ARSG: variants seen among roughly 807,000 people sequenced by gnomAD.
ARSG encodes the protein arylsulfatase G.
In ARSG, 37 loss-of-function variants were observed where a neutral mutation model predicts 50.5. The observed-to-expected ratio is 0.73, with a 90% CI of 0.56 to 0.96. The LOEUF is 0.96. ARSG is among the 50% of genes least tolerant of loss of function. The probability of loss-of-function intolerance (pLI) is 0.00; values close to 1 mark genes in which losing one functional copy is unlikely to be tolerated. For synonymous variants in ARSG, 225 were observed against 254.6 expected, an observed-to-expected ratio of 0.88 and a Z score of 1.11; for missense variants, 629 against 675.3, an observed-to-expected ratio of 0.93 and a Z score of 0.76.
Position 68,271,512 on chromosome 17 carries a change from C to T in ARSG, c.-552+12086C>T. 1 of 1,614,114 alleles carries T rather than the reference C, an allele frequency of 6.2e-7. No homozygotes were observed. The highest frequency in any genetic ancestry group is 1.1e-5 in the South Asian group (1 of 91,062). On this transcript the variant is annotated intron_variant, in intron 1 of 11. Coordinates refer to the ARSG transcript ENST00000448504. This position sits in a 1 kb window ranked among gnomAD's most constrained non-coding sequence, Gnocchi z 5.3. The stretch of plus-strand genomic sequence containing the variant: ...TATACTGCGCTTCTTTCCGATTTTC[C>T]TGGATGACTATTTTCGGTGACGCTG...
intron 1 of ARSG, chr17:68,269,084 T>C (rs868979867): frequency 1.3e-6 from 2 of 1,553,698 alleles, no homozygotes; most frequent in Middle Eastern, 1.7e-4. Context: ...GCTGTTGTTG[T>C]AAGAAAGTGT....
At chr17:68,328,186 A>G (rs920760415) in intron 2 of ARSG, among the ~76,000 whole-genome samples, 1 of 151,966 alleles carries the variant, frequency 6.6e-6, no homozygotes, top group Non-Finnish European at 1.5e-5. Context: ...CCGCTCACTT[A>G]TTGCCCCTCC....
At chr17:68,433,738 GAAAGATTCAC>G in the ARSG span, among the ~76,000 whole-genome samples, 1 of 133,046 alleles carries the variant, frequency 7.5e-6, no homozygotes. Flanking sequence ...ATTAATGTCA[GAAAGATTCAC>G]AAAGGGTCAT....
downstream of ARSG, chr17:68,424,563 T>C (rs1221690452): frequency 1.9e-6 from 1 of 523,982 alleles, no homozygotes; most frequent in Non-Finnish European, 3.9e-6. Context: ...TAGGAGCTGA[T>C]GCTCCAAGTC....
chr17:68,280,244 C>T (rs1381792411), intron 1 of ARSG, among the ~76,000 whole-genome samples: 1 of 150,328 alleles, frequency 6.7e-6, no homozygotes, highest in Non-Finnish European at 1.5e-5. Context: ...GAGTGGATTC[C>T]TATCAAAATA....
chr17:68,451,090 C>A, the ARSG span, among the ~76,000 whole-genome samples: 1 of 152,350 alleles, frequency 6.6e-6, no homozygotes, highest in Middle Eastern at 3.4e-3. Context: ...TTTTTACCCT[C>A]TCCCAGGGAG....
chr17:68,420,167 T>C, intron 11 of ARSG, 22 bp from the exon 12 acceptor site: 4 of 1,611,858 alleles, frequency 2.5e-6, no homozygotes, highest in Non-Finnish European at 2.5e-6. Flanking sequence ...TAGCGAGGCA[T>C]TTGTTGTCAT....
At chr17:68,426,438 G>A (rs2083201389), downstream of ARSG, among the ~76,000 whole-genome samples, 1 of 152,136 alleles carries the variant, frequency 6.6e-6, no homozygotes, top group Admixed American at 6.5e-5. Flanking sequence ...TCAGTATGTT[G>A]CCCAGGCTGG....
the ARSG span, chr17:68,434,691 G>C: frequency 6.5e-7 from 1 of 1,548,496 alleles, no homozygotes; most frequent in Non-Finnish European, 8.8e-7. Context: ...TGTCCCTTTA[G>C]AGAGGAGTTT....
chr17:68,269,589 G>A (rs1451737821), intron 1 of ARSG, among the ~76,000 whole-genome samples: 1 of 146,246 alleles, frequency 6.8e-6, no homozygotes, highest in East Asian at 2.0e-4. Context: ...CTAAAACCTG[G>A]GACATTTCGA....
upstream of ARSG, among the ~76,000 whole-genome samples, chr17:68,290,125 T>C (rs782218207): frequency 4.6e-5 from 7 of 152,070 alleles, no homozygotes; most frequent in Admixed American, 1.3e-4. Context: ...ATTCCCGGGG[T>C]AGAAACCATC....
the ARSG span, among the ~76,000 whole-genome samples, chr17:68,438,266 G>A: frequency 1.4e-5 from 2 of 147,446 alleles, no homozygotes; most frequent in African/African-American, 2.5e-5. Flanking sequence ...CCCCTTTGGC[G>A]ATACAAGGTC....
the ARSG span, chr17:68,435,659 G>A: frequency 6.2e-7 from 1 of 1,614,248 alleles, no homozygotes; most frequent in East Asian, 2.2e-5. Flanking sequence ...CTGAGGCATT[G>A]AAGGTGATGG....
At chr17:68,302,285 G>A (rs564246549) in intron 1 of ARSG, among the ~76,000 whole-genome samples, 1 of 152,284 alleles carries the variant, frequency 6.6e-6, no homozygotes, top group Non-Finnish European at 1.5e-5. Flanking sequence ...ACATCCCAGA[G>A]ACCTGCTCCC....
upstream of ARSG, among the ~76,000 whole-genome samples, chr17:68,286,733 G>A (rs782336814): frequency 6.6e-6 from 1 of 152,148 alleles, no homozygotes; most frequent in Non-Finnish European, 1.5e-5. Flanking sequence ...TCGAACTCCT[G>A]ACCTCAAGTG....
At chr17:68,411,382 C>A (rs375922379) in intron 11 of ARSG, among the ~76,000 whole-genome samples, 1 of 152,148 alleles carries the variant, frequency 6.6e-6, no homozygotes, top group Non-Finnish European at 1.5e-5. Flanking sequence ...TCATTATGTA[C>A]CCAGTAGTCA....
intron 1 of ARSG, among the ~76,000 whole-genome samples, chr17:68,295,910 C>T (rs1314836520): frequency 1.3e-5 from 2 of 151,930 alleles, no homozygotes; most frequent in African/African-American, 4.8e-5. Context: ...GAACTCCTGG[C>T]CTCAGGTGAT....
In ARSG at chr17:68,401,453, G is replaced by T; in HGVS notation, c.1303+3G>T. Reference sequence around the variant, plus strand: ...TTACAAGGCCTTCTACATTACCGGTGAGTGAGGGGCCACTTAGCCCTGCCT... The same window carrying T: ...TTACAAGGCCTTCTACATTACCGGTTAGTGAGGGGCCACTTAGCCCTGCCT... On this transcript the variant is annotated splice_donor_region_variant and intron_variant, in intron 11 of 11. Coordinates refer to ENST00000621439, the MANE Select transcript of ARSG (RefSeq NM_001267727.2). The T allele has an allele frequency of 6.2e-7, 1 of 1,613,526 alleles. No homozygotes were observed. Among genetic ancestry groups the T allele is most frequent in the Non-Finnish European group, 8.5e-7 (1 of 1,179,588 alleles).
At chr17:68,428,519 C>T in the ARSG span, 4 of 239,716 alleles carry the variant, frequency 1.7e-5, no homozygotes, top group South Asian at 5.8e-5. Context: ...AGGTGTGAGC[C>T]GCCACACCTG....
Sources: gnomAD v4.1 joint callset for allele counts (sites outside exome capture counted in the v4.1 genomes callset) on GRCh38, gnomAD v4.1.1 for gene constraint, Gnocchi (gnomAD v3.1) non-coding constraint, MANE v1.5 for transcripts, NCBI Gene and HGNC (gene_info 2026-07-23, HGNC 2026-07-21) for gene names.